PILRB: variants seen among roughly 807,000 people sequenced by gnomAD.
PILRB encodes paired immunoglobin like type 2 receptor beta.
PILRB carries 21 observed loss-of-function variants against 20.5 expected under a neutral mutation model. The observed-to-expected ratio is 1.02, with a 90% CI of 0.72 to 1.47. The LOEUF is 1.47. Among genes scored for constraint, PILRB ranks in the 40% most tolerant of loss-of-function variants. The pLI is 0.00. For synonymous variants in PILRB, 133 were observed against 115.1 expected (o/e 1.16, Z -0.99); for missense variants, 253 against 272.1 (o/e 0.93, Z 0.49).
intron 3 of PILRB, 21 bp from the exon 4 acceptor site, chr7:100,367,328 A>G (rs909303353): frequency 2.6e-6 from 2 of 780,788 alleles, no homozygotes; most frequent in South Asian, 1.3e-5. Flanking sequence ...CCTGCATCTA[A>G]AAACACTTCC....
At chr7:100,362,239 T>TA (rs1790548192) in intron 3 of PILRB, among the ~76,000 whole-genome samples, 1 of 152,164 alleles carries the variant, frequency 6.6e-6, no homozygotes, top group Non-Finnish European at 1.5e-5. Flanking sequence ...AAAAGCCAGA[T>TA]AAAGACCCTG....
rs186390220 is a variant in PILRB at position 100,364,823 on chromosome 7, G to A, written c.656-2526G>A. Among the ~76,000 whole-genome samples the A allele has an allele frequency of 6.6e-5, 10 of 152,118 alleles. No homozygotes were observed. In the South Asian group the frequency reaches 1.5e-3, roughly 22 times the overall value. ...CTGAAATGTCCATCAAACAAAATAC[G>A]GTGTCTGTAGTCCAAGCTACTCGGG... On this transcript the variant is annotated intron_variant, in intron 3 of 3. Coordinates refer to ENST00000609309, the MANE Select transcript of PILRB (RefSeq NM_178238.4).
rs182089172 is a variant in PILRB, at chr7:100,364,430, G to C, written c.656-2919G>C. On this transcript the variant is annotated intron_variant, in intron 3 of 3. Transcript: ENST00000609309. Reference sequence around the variant, plus strand: ...GTGGGTCCTTGCACCATCATCCCCAGACCCATGGTTTTTATTCCACAGGGG... The same window carrying C: ...GTGGGTCCTTGCACCATCATCCCCACACCCATGGTTTTTATTCCACAGGGG... Among the ~76,000 whole-genome samples the C allele has an allele frequency of 5.2e-3, 793 of 152,308 alleles. 7 individuals are homozygous for C. The highest frequency in any genetic ancestry group is 8.5e-3 in the Non-Finnish European group (577 of 68,010).
At chr7:100,361,308 C>T (rs142308323) in intron 3 of PILRB, among the ~76,000 whole-genome samples, 11 of 152,258 alleles carry the variant, frequency 7.2e-5, no homozygotes, top group Non-Finnish European at 1.2e-4. Context: ...CTTGGATGTA[C>T]ACATTTCCAG....
At chr7:100,361,703 AAAAG>A (rs1388653964) in intron 3 of PILRB, among the ~76,000 whole-genome samples, 8 of 152,144 alleles carry the variant, frequency 5.3e-5, no homozygotes, top group Admixed American at 1.3e-4. Flanking sequence ...TAAAAAGTAA[AAAAG>A]AAAGTCTTCA....
rs768796492 is a variant in PILRB at position 100,358,403 on chromosome 7, C to T, written c.64+37C>T. 1.9e-6 allele frequency: 3 copies of T among 1,606,594 alleles called. No homozygotes were observed. The Admixed American group carries it at 5.0e-5, about 27-fold the overall frequency. The stretch of plus-strand genomic sequence containing the variant: ...GGACCGCCCAGGTATGGTCTCTGCC[C>T]AAACCACAGGAGGGGCCAACCCAAG... On this transcript the variant is annotated intron_variant, in intron 1 of 3. Transcript: ENST00000609309.
At chr7:100,366,401 C>G (rs1790686881) in intron 3 of PILRB, among the ~76,000 whole-genome samples, 2 of 151,642 alleles carry the variant, frequency 1.3e-5, no homozygotes, top group African/African-American at 4.8e-5. Context: ...GCCGTGAGGC[C>G]TGGGTTCAGA....
chr7:100,360,958 CAG>C (rs1245668864), intron 3 of PILRB, among the ~76,000 whole-genome samples: 3 of 152,026 alleles, frequency 2.0e-5, no homozygotes, highest in Non-Finnish European at 4.4e-5. Context: ...GTTTTTGAGA[CAG>C]AGTTTTGTTC....
At chr7:100,358,615 G>A (rs1242692579) in intron 1 of PILRB, 75 bp from the exon 2 acceptor site, 4 of 1,553,810 alleles carry the variant, frequency 2.6e-6, no homozygotes, top group African/African-American at 2.7e-5. Flanking sequence ...AGGTGTGGGA[G>A]GGTCTGGGGT....
At chr7:100,366,581 G>A (rs1233506383) in intron 3 of PILRB, among the ~76,000 whole-genome samples, 3 of 152,136 alleles carry the variant, frequency 2.0e-5, no homozygotes, top group East Asian at 3.9e-4. Flanking sequence ...ACCAGCCAGA[G>A]GGGAGGGGAG....
intron 3 of PILRB, among the ~76,000 whole-genome samples, chr7:100,359,973 A>G (rs1156931702): frequency 6.6e-6 from 1 of 152,188 alleles, no homozygotes; most frequent in Non-Finnish European, 1.5e-5. Context: ...CAGTGAGTCA[A>G]GGTCGTGCCA....
At chr7:100,366,145 G>A (rs181637511) in intron 3 of PILRB, among the ~76,000 whole-genome samples, 1 of 151,990 alleles carries the variant, frequency 6.6e-6, no homozygotes, top group East Asian at 1.9e-4. Context: ...GTAGAGACAG[G>A]TTTTCACCAT....
In PILRB at chr7:100,367,317, C is replaced by T. The variant is rs753760987; in HGVS notation, c.656-32C>T. The stretch of plus-strand genomic sequence containing the variant: ...TCGCCTGCCTCACTAATAATCCTGG[C>T]CCTGCATCTAAAAACACTTCCCCTC... On this transcript the variant is annotated intron_variant, in intron 3 of 3. Coordinates refer to ENST00000609309, the MANE Select transcript of PILRB (RefSeq NM_178238.4). 1.0e-5 allele frequency: 8 copies of T among 780,886 alleles called. No homozygotes were observed. In the South Asian group the frequency reaches 1.1e-4, roughly 10 times the overall value. 48.4% of individuals were successfully genotyped at this position (780,886 alleles called of 1,614,324 possible).
rs1191664742 is a variant in PILRB at position 100,367,831 on chromosome 7, A to G, written c.*454A>G. On this transcript the variant is annotated 3_prime_UTR_variant, in exon 4 of 4. Transcript: ENST00000609309. Reference sequence around the variant, plus strand: ...ATAAATAGCGTGAAATGCTGCTGACACTTCCCTGTGCATCTCCCACATGGC... The same window carrying G: ...ATAAATAGCGTGAAATGCTGCTGACGCTTCCCTGTGCATCTCCCACATGGC... The G allele has an allele frequency of 1.8e-5, 3 of 163,198 alleles. No homozygotes were observed. The highest frequency in any genetic ancestry group is 6.1e-5 in the Admixed American group (1 of 16,462). 10.1% of individuals were successfully genotyped at this position (163,198 alleles called of 1,614,324 possible). A position where few individuals can be genotyped will look rare whatever the true frequency, so the allele number is the denominator to read the frequency against.
At chr7:100,363,898 T>G (rs572094689) in intron 3 of PILRB, among the ~76,000 whole-genome samples, 4 of 152,118 alleles carry the variant, frequency 2.6e-5, no homozygotes, top group East Asian at 1.9e-4. Context: ...CACCTGAGAT[T>G]AGGAGTTCGA....
In PILRB at chr7:100,364,281, CAT is replaced by C. The variant is rs1218102742; in HGVS notation, c.656-3066_656-3065del. ...GAAAGCTGGGTACTCACATGCAAAA[CAT>C]AAAGGTGCATCTCTGCCAAAAAATT... On this transcript the variant is annotated intron_variant, in intron 3 of 3. Transcript: ENST00000609309. Among the ~76,000 whole-genome samples, 6 of 152,186 alleles carry C rather than the reference CAT, an allele frequency of 3.9e-5. No homozygotes were observed. In the East Asian group the frequency reaches 1.2e-3, roughly 29 times the overall value.
intron 3 of PILRB, among the ~76,000 whole-genome samples, chr7:100,362,918 T>C (rs1790571113): frequency 6.6e-6 from 1 of 152,096 alleles, no homozygotes; most frequent in Admixed American, 6.6e-5. Context: ...TTCAGTCATT[T>C]TAGGTGAAAG....
At chr7:100,359,115 C>T (rs370298309) in intron 2 of PILRB, 36 bp downstream of exon 2, 160 of 1,612,778 alleles carry the variant, frequency 9.9e-5, no homozygotes, top group Middle Eastern at 3.3e-4. Context: ...CCTTGCCCAC[C>T]GCAGTGAGGG....
Position 100,367,470 on chromosome 7 carries a change from C to G in PILRB, c.*93C>G. 1.3e-6 allele frequency: 1 copy of G among 765,182 alleles called. No individual in the cohort carries two copies. The highest frequency in any genetic ancestry group is 2.5e-6 in the Non-Finnish European group (1 of 405,592). The allele number at this position is 765,182 out of a possible 1,614,324, so 47.4% of individuals were successfully genotyped here. ...GTCCTCCACACTCGTTCCCCATTGG[C>G]AAGATACATGGAGAGCACCCTGAGG... On this transcript the variant is annotated 3_prime_UTR_variant, in exon 4 of 4. Transcript: ENST00000609309.
Sources: gnomAD v4.1 joint callset for allele counts (sites outside exome capture counted in the v4.1 genomes callset) on GRCh38, gnomAD v4.1.1 for gene constraint, MANE v1.5 for transcripts, NCBI Gene and HGNC (gene_info 2026-07-23, HGNC 2026-07-21) for gene names.